Variants in IL16 observed in about 807,000 individuals in gnomAD.
IL16 encodes interleukin 16, also known as pro-interleukin-16.
IL16 carries 67 observed loss-of-function variants against 110.1 expected under a neutral mutation model. That is an observed-to-expected ratio of 0.61 (90% CI 0.50 to 0.75). IL16 has a LOEUF of 0.75. Ranked by LOEUF, IL16 falls within the 30% of genes least tolerant of loss-of-function variation. The pLI is 0.00. For synonymous variants in IL16, 689 were observed against 662.9 expected (o/e 1.04, Z -0.61); for missense variants, 1,545 against 1,655.0 (o/e 0.93, Z 1.15).
chr15:81,237,891 A>G (rs972976467), intron 2 of IL16, among the ~76,000 whole-genome samples: 1 of 151,226 alleles, frequency 6.6e-6, no homozygotes, highest in East Asian at 1.9e-4. Context: ...TTTATTTTTT[A>G]ATTTTATTTA....
At chr15:81,298,897 A>G (rs139701608) in intron 13 of IL16, among the ~76,000 whole-genome samples, 111 of 152,358 alleles carry the variant, frequency 7.3e-4, no homozygotes, top group African/African-American at 2.5e-3. Flanking sequence ...TGACACGGGT[A>G]GGTCAAAGCA....
At chr15:81,230,731 A>C (rs1293820509) in intron 2 of IL16, among the ~76,000 whole-genome samples, 1 of 152,164 alleles carries the variant, frequency 6.6e-6, no homozygotes, top group Admixed American at 6.5e-5. Context: ...ACCCTTCATT[A>C]TGGAGCTTCC....
chr15:81,289,564 G>A (rs1899610617), intron 10 of IL16, among the ~76,000 whole-genome samples: 2 of 152,180 alleles, frequency 1.3e-5, no homozygotes, highest in African/African-American at 4.8e-5. Flanking sequence ...CTTTTTGGCT[G>A]TTTGTATATC....
chr15:81,253,010 T>C (rs1166361914), intron 2 of IL16, among the ~76,000 whole-genome samples: 2 of 152,170 alleles, frequency 1.3e-5, no homozygotes, highest in African/African-American at 4.8e-5. Context: ...AACTGCTGCA[T>C]CATATGGTAA....
chr15:81,231,381 T>TCTCTCTCC (rs1595973493), intron 2 of IL16, among the ~76,000 whole-genome samples: 2 of 144,306 alleles, frequency 1.4e-5, no homozygotes, highest in East Asian at 2.0e-4. Flanking sequence ...TCTCTCTCTC[T>TCTCTCTCC]CCCTCTCTTA....
At chr15:81,246,298 G>A (rs937360283) in intron 2 of IL16, among the ~76,000 whole-genome samples, 55 of 152,042 alleles carry the variant, frequency 3.6e-4, no homozygotes, top group African/African-American at 5.6e-4. Flanking sequence ...TGTCACCTTC[G>A]AAAGTTCCCT....
intron 1 of IL16, among the ~76,000 whole-genome samples, chr15:81,218,927 G>GTTTTT: frequency 6.9e-6 from 1 of 144,766 alleles, no homozygotes; most frequent in South Asian, 2.4e-4. Flanking sequence ...GTTTTTTTGA[G>GTTTTT]TAACAATTTT....
intron 1 of IL16, among the ~76,000 whole-genome samples, chr15:81,205,725 A>G (rs1017449097): frequency 6.6e-6 from 1 of 152,188 alleles, no homozygotes; most frequent in African/African-American, 2.4e-5. Context: ...AAAAAAGCCT[A>G]AAGAAACAAA....
chr15:81,256,729 T>G (rs1897961582), intron 2 of IL16, among the ~76,000 whole-genome samples: 1 of 152,204 alleles, frequency 6.6e-6, no homozygotes, highest in African/African-American at 2.4e-5. Flanking sequence ...ATATTTGAGA[T>G]AAAATACAAA....
rs111488439 is a variant in IL16 at position 81,300,249 on chromosome 15, T to C, written c.2923T>C (p.Cys975Arg). 4 of 1,614,226 alleles carry C rather than the reference T, an allele frequency of 2.5e-6. No individual in the cohort carries two copies. The South Asian group carries it at 3.3e-5, about 13-fold the overall frequency. The change falls in exon 14 of 19, where the codon TGT (cysteine) becomes CGT (arginine). Residue 975 changes from cysteine to arginine, a missense_variant. Cys to Arg is a radical substitution (Grantham distance 180, BLOSUM62 -3). Transcript: ENST00000683961. ...CTTCCCCCTGACCAGGTCCCAGTCC[T>C]GTGAGACGAAGCTACTTGACGAAAA... ...RSFPLTRSQSCETKLLDEKTS... is the reference protein window; with the variant it reads ...RSFPLTRSQSRETKLLDEKTS...
At chr15:81,189,627 C>T (rs192273612) in intron 1 of IL16, among the ~76,000 whole-genome samples, 3 of 152,088 alleles carry the variant, frequency 2.0e-5, no homozygotes, top group Non-Finnish European at 4.4e-5. Flanking sequence ...TCAGGGAAGT[C>T]TTCCTGGAGG....
intron 12 of IL16, among the ~76,000 whole-genome samples, chr15:81,294,023 T>C (rs1596043613): frequency 1.3e-5 from 2 of 152,194 alleles, no homozygotes; most frequent in East Asian, 3.9e-4. Flanking sequence ...CATCACGGAA[T>C]GGCCCTGCAG....
At chr15:81,241,956 CTT>C (rs367786067) in intron 2 of IL16, among the ~76,000 whole-genome samples, 4 of 144,368 alleles carry the variant, frequency 2.8e-5, no homozygotes, top group East Asian at 2.0e-4. Context: ...TTAAACCAAG[CTT>C]TTTTTTTTTT....
intron 1 of IL16, among the ~76,000 whole-genome samples, chr15:81,206,244 G>GA (rs5814043): frequency 0.13 from 19,489 of 152,126 alleles, 2,613 homozygotes; most frequent in African/African-American, 0.34. Context: ...AACAGACCTG[G>GA]ATGGTATAGC....
At chr15:81,252,179 A>G (rs1897790365) in intron 2 of IL16, among the ~76,000 whole-genome samples, 1 of 152,230 alleles carries the variant, frequency 6.6e-6, no homozygotes, top group Admixed American at 6.5e-5. Context: ...TACAAACAGC[A>G]GGAAATACCA....
chr15:81,287,439 C>G lies in IL16; in HGVS notation c.1332+1609C>G, dbSNP rs569025692. Among the ~76,000 whole-genome samples, 319 of 152,278 alleles carry G rather than the reference C, an allele frequency of 2.1e-3. 2 individuals are homozygous for G. In the South Asian group the frequency reaches 0.025, roughly 12 times the overall value. ...GGAGCTAGACTTGGGGGTTGAATCC[C>G]TGCTGTTGGTGAGAGCTCTGGGGAA... is the stretch of plus-strand genomic sequence containing the variant. On this transcript the variant is annotated intron_variant, in intron 10 of 18. Coordinates refer to ENST00000683961, the MANE Select transcript of IL16 (RefSeq NM_172217.5).
At chr15:81,233,555 A>G (rs1049042913) in intron 2 of IL16, among the ~76,000 whole-genome samples, 1 of 151,028 alleles carries the variant, frequency 6.6e-6, no homozygotes, top group Admixed American at 6.6e-5. Context: ...ATTGCGAATG[A>G]TTTTAATCAC....
Position 81,231,324 on chromosome 15 carries a change from G to GTCTCTCTCTCTC in IL16, c.312+5660_312+5671dup, listed in dbSNP as rs532872365. Among the ~76,000 whole-genome samples, 160 of 47,126 alleles carry GTCTCTCTCTCTC rather than the reference G, an allele frequency of 3.4e-3. 36 individuals are homozygous for GTCTCTCTCTCTC. The highest frequency in any genetic ancestry group is 4.1e-3 in the Non-Finnish European group (97 of 23,718). The allele number at this position is 47,126 out of a possible 152,430, so 30.9% of individuals were successfully genotyped here. A position where few individuals can be genotyped will look rare whatever the true frequency, so the allele number is the denominator to read the frequency against. ...GGGGAGATCTACCCAAGGTCGGTCT[G>GTCTCTCTCTCTC]TCTCTCTCTCTCTCTCTCTCTCTCT... On this transcript the variant is annotated intron_variant, in intron 2 of 18. Transcript: ENST00000683961.
At chr15:81,253,799 G>A (rs1897852629) in intron 2 of IL16, among the ~76,000 whole-genome samples, 2 of 152,178 alleles carry the variant, frequency 1.3e-5, no homozygotes, top group African/African-American at 2.4e-5. Flanking sequence ...CTATGCCATT[G>A]GCAGTGGGAA....
Sources: gnomAD v4.1 joint callset for allele counts (sites outside exome capture counted in the v4.1 genomes callset) on GRCh38, gnomAD v4.1.1 for gene constraint, MANE v1.5 for transcripts, NCBI Gene and HGNC (gene_info 2026-07-23, HGNC 2026-07-21) for gene names.